The following STRN variants were observed in gnomAD, a reference collection of about 807,000 sequenced individuals.
STRN encodes striatin, also known as protein phosphatase 2 regulatory subunit B'''alpha.
In STRN, 53 loss-of-function variants were observed where a neutral mutation model predicts 96.3. That is an observed-to-expected ratio of 0.55 (90% CI 0.44 to 0.69). The LOEUF (loss-of-function observed/expected upper bound fraction) is 0.69. Ranked by LOEUF, STRN falls within the 30% of genes least tolerant of loss-of-function variation. The pLI is 0.00. For missense variants in STRN, 987 were observed against 963.9 expected (o/e 1.02, Z -0.32); for synonymous variants, 428 against 355.9 (o/e 1.20, Z -2.28).
intron 3 of STRN, among the ~76,000 whole-genome samples, chr2:36,911,221 C>T (rs1669957867): frequency 1.3e-5 from 2 of 152,128 alleles, no homozygotes; most frequent in South Asian, 4.1e-4. Flanking sequence ...GTAGGAGATC[C>T]ACTTCTGCCT....
At chr2:36,862,757 T>TG (rs1472171384) in intron 12 of STRN, among the ~76,000 whole-genome samples, 5 of 151,414 alleles carry the variant, frequency 3.3e-5, no homozygotes, top group Non-Finnish European at 7.4e-5. Context: ...TTTTTTGAGA[T>TG]GGAGTCTCGC....
At chr2:36,914,330 T>C (rs528508145) in intron 3 of STRN, among the ~76,000 whole-genome samples, 2 of 152,352 alleles carry the variant, frequency 1.3e-5, no homozygotes, top group South Asian at 4.1e-4. Context: ...GCATCTAGGC[T>C]TCTATTCTCC....
chr2:36,875,645 T>G (rs908708276), intron 10 of STRN, among the ~76,000 whole-genome samples: 3 of 144,236 alleles, frequency 2.1e-5, no homozygotes, highest in Non-Finnish European at 4.5e-5. Context: ...ACAAAAACAT[T>G]GGAAATAGAA....
intron 13 of STRN, among the ~76,000 whole-genome samples, chr2:36,860,790 A>G (rs1422568259): frequency 3.3e-5 from 5 of 152,176 alleles, no homozygotes; most frequent in Non-Finnish European, 7.3e-5. Flanking sequence ...GTTGTTTGAC[A>G]AGAATAATGA....
chr2:36,859,685 G>A (rs1243131111), intron 13 of STRN, among the ~76,000 whole-genome samples: 1 of 152,110 alleles, frequency 6.6e-6, no homozygotes, highest in Non-Finnish European at 1.5e-5. Context: ...CTTTATAAAT[G>A]TCAATATTTA....
intron 13 of STRN, among the ~76,000 whole-genome samples, chr2:36,858,540 A>C (rs981980662): frequency 6.6e-6 from 1 of 152,192 alleles, no homozygotes; most frequent in African/African-American, 2.4e-5. Flanking sequence ...AGGAATCCCC[A>C]AATTCTCAAA....
In STRN at chr2:36,907,462, C is replaced by T. The variant is rs1669853366; in HGVS notation, c.413-1844G>A. On this transcript the variant is annotated intron_variant, in intron 3 of 17. Transcript: ENST00000263918. ...ACTCAGGAGGCTGAGGCAGAAGAAT[C>T]GCTTGAACCTGAGAGGCGGAGGTTG... Among the ~76,000 whole-genome samples, 4 of 152,064 alleles carry T rather than the reference C, an allele frequency of 2.6e-5. No individual in the cohort carries two copies. In the South Asian group the frequency reaches 6.2e-4, roughly 24 times the overall value.
chr2:36,919,322 A>C (rs1670187606), intron 2 of STRN, among the ~76,000 whole-genome samples: 1 of 152,224 alleles, frequency 6.6e-6, no homozygotes, highest in Non-Finnish European at 1.5e-5. Flanking sequence ...ATAAGGGATT[A>C]TCTAATCTAA....
In STRN at chr2:36,902,583, C is replaced by T. The variant is rs1337335720; in HGVS notation, c.659+1G>A. 1.3e-6 allele frequency: 2 copies of T among 1,589,698 alleles called. No homozygotes were observed. The highest frequency in any genetic ancestry group is 2.7e-5 in the African/African-American group (2 of 74,342). On this transcript the variant is annotated splice_donor_variant, in intron 5 of 17. Coordinates refer to ENST00000263918, the MANE Select transcript of STRN (RefSeq NM_003162.4). LOFTEE classifies it high-confidence loss of function. ...AAACACTTTCCAGACAAAATACTTA[C>T]GCAATCATTGCTGTCTCTTTAACTT...
At chr2:36,860,477 A>C (rs1055345911) in intron 13 of STRN, among the ~76,000 whole-genome samples, 5 of 152,360 alleles carry the variant, frequency 3.3e-5, no homozygotes, top group Non-Finnish European at 1.5e-5. Context: ...AAATTAATCT[A>C]AAATGATGAT....
In STRN at chr2:36,877,782, C is replaced by T. The variant is rs766452082; in HGVS notation, c.1323+109G>A. 7.8e-4 allele frequency: 961 copies of T among 1,238,736 alleles called. 2 individuals are homozygous for T. Among genetic ancestry groups the T allele is most frequent in the Non-Finnish European group, 1.0e-3 (888 of 892,344 alleles). 76.7% of individuals were successfully genotyped at this position (1,238,736 alleles called of 1,614,324 possible). A position where few individuals can be genotyped will look rare whatever the true frequency, so the allele number is the denominator to read the frequency against. On this transcript the variant is annotated intron_variant, in intron 10 of 17. Coordinates refer to ENST00000263918, the MANE Select transcript of STRN (RefSeq NM_003162.4). Reference sequence around the variant, plus strand: ...AACTCCTGACCTCAAGTGATCCGCCCACCTCGGCCTCCCAAAGTGCTGGAT... The same window carrying T: ...AACTCCTGACCTCAAGTGATCCGCCTACCTCGGCCTCCCAAAGTGCTGGAT...
At chr2:36,905,735 G>T in intron 3 of STRN, 117 bp from the exon 4 acceptor site, 2 of 832,008 alleles carry the variant, frequency 2.4e-6, no homozygotes, top group Non-Finnish European at 4.0e-6. Context: ...AACTGCAACT[G>T]TAAGGTATGT....
chr2:36,880,180 C>A (rs1227620567), intron 9 of STRN, among the ~76,000 whole-genome samples: 1 of 152,216 alleles, frequency 6.6e-6, no homozygotes, highest in East Asian at 1.9e-4. Flanking sequence ...GTTGGCCAGG[C>A]TGGTCTCAAA....
At chr2:36,950,232 T>C (rs1015045620) in intron 1 of STRN, among the ~76,000 whole-genome samples, 2 of 149,140 alleles carry the variant, frequency 1.3e-5, no homozygotes, top group African/African-American at 5.0e-5. Flanking sequence ...TTTTTTTTTT[T>C]TGAGACTGAG....
At position 36,966,508 on chromosome 2, in the gene STRN, G is replaced by A. The variant is rs1304444331; in HGVS notation, c.-45C>T. Reference sequence around the variant, plus strand: ...GGAGCTGCCCCGGCGCCCAGCAGCGGAGGCAACAGCGGCGGCAAGCAGCGC... The same window carrying A: ...GGAGCTGCCCCGGCGCCCAGCAGCGAAGGCAACAGCGGCGGCAAGCAGCGC... On this transcript the variant is annotated 5_prime_UTR_variant, in exon 1 of 18. Coordinates refer to ENST00000263918, the MANE Select transcript of STRN (RefSeq NM_003162.4). 3 of 1,321,800 alleles carry A rather than the reference G, an allele frequency of 2.3e-6. No individual in the cohort carries two copies. Among genetic ancestry groups the A allele is most frequent in the East Asian group, 6.3e-5 (2 of 31,920 alleles). The allele number at this position is 1,321,800 out of a possible 1,614,324, so 81.9% of individuals were successfully genotyped here.
At chr2:36,944,955 T>A (rs902300242) in intron 1 of STRN, among the ~76,000 whole-genome samples, 1 of 152,230 alleles carries the variant, frequency 6.6e-6, no homozygotes, top group Non-Finnish European at 1.5e-5. Flanking sequence ...AATGGGAACG[T>A]AGACCAGAGC....
In STRN at chr2:36,848,391, T is replaced by C. The variant is rs1289856291; in HGVS notation, c.*1065A>G. On this transcript the variant is annotated 3_prime_UTR_variant, in exon 18 of 18. Transcript: ENST00000263918. The stretch of plus-strand genomic sequence containing the variant: ...AAAAGCAGCTGCGTGAAGTTAACCA[T>C]ACTCTTTGGGCTATTAATAATTATG... The C allele has an allele frequency of 6.6e-6, 1 of 152,184 alleles. No homozygotes were observed. The highest frequency in any genetic ancestry group is 1.9e-4 in the East Asian group (1 of 5,208). The allele number at this position is 152,184 out of a possible 1,614,324, so 9.4% of individuals were successfully genotyped here.
rs527392309 is a variant in STRN at position 36,960,685 on chromosome 2, G to A, written c.234+5545C>T. ...ATTACGGCAAATATGTATTTTAGGC[G>A]TAAAATACAATAGTAAGTTTTAAAG... On this transcript the variant is annotated intron_variant, in intron 1 of 17. Transcript: ENST00000263918. 1.4e-3 allele frequency among the ~76,000 whole-genome samples: 214 copies of A among 152,170 alleles called. 3 individuals carry two copies. The highest frequency in any genetic ancestry group is 6.4e-3 in the South Asian group (31 of 4,824).
intron 1 of STRN, among the ~76,000 whole-genome samples, chr2:36,961,892 C>G (rs888137905): frequency 6.6e-6 from 1 of 152,138 alleles, no homozygotes; most frequent in Non-Finnish European, 1.5e-5. Context: ...TTAAATATTC[C>G]AAGCGTGCTC....
Sources: allele counts gnomAD v4.1 joint callset (sites outside exome capture counted in the v4.1 genomes callset), GRCh38; gene constraint gnomAD v4.1.1; transcripts MANE v1.5; gene names NCBI Gene and HGNC (gene_info 2026-07-23, HGNC 2026-07-21).